The following OSBP variants were observed in gnomAD, a reference collection of about 807,000 sequenced individuals.
OSBP encodes the protein oxysterol binding protein.
Under a neutral mutation model 96.6 loss-of-function variants are expected in OSBP, and 32 were observed. The ratio of observed to expected loss-of-function variants is 0.33; its 90% CI spans 0.25 to 0.45. The LOEUF is 0.45. Ranked by LOEUF, OSBP falls within the 20% of genes least tolerant of loss-of-function variation. OSBP has a pLI of 1.00. For missense variants in OSBP, 653 were observed against 1,029.7 expected (o/e 0.63, Z 5.01); for synonymous variants, 369 against 389.6 (o/e 0.95, Z 0.62).
intron 3 of OSBP, among the ~76,000 whole-genome samples, chr11:59,603,820 C>T (rs193163725): frequency 3.2e-4 from 49 of 152,270 alleles, no homozygotes; most frequent in Non-Finnish European, 4.7e-4. Context: ...CACCCAGCCT[C>T]ATCAGTTTCC....
intron 1 of OSBP, among the ~76,000 whole-genome samples, chr11:59,614,768 C>T (rs1009728605): frequency 6.6e-6 from 1 of 152,168 alleles, no homozygotes; most frequent in Admixed American, 6.5e-5. Context: ...GACGGAATAC[C>T]GAAGCCACCC....
intron 9 of OSBP, among the ~76,000 whole-genome samples, chr11:59,588,832 C>T (rs1210236104): frequency 2.5e-4 from 38 of 151,748 alleles, no homozygotes; most frequent in Admixed American, 2.5e-3. Context: ...ATGGAGAAAC[C>T]CCGTGTCTAC....
chr11:59,585,790 T>G (rs368797380), intron 9 of OSBP, among the ~76,000 whole-genome samples: 31 of 152,310 alleles, frequency 2.0e-4, no homozygotes, highest in South Asian at 8.3e-4. Context: ...GAAAGAAGTA[T>G]ACATGGGAGA....
Position 59,580,233 on chromosome 11 carries a change from C to G in OSBP, c.1819G>C (p.Asp607His), listed in dbSNP as rs546173084. ...GGAACAAATTTAAGATTACACTTGT[C>G]TCCTGTCTTGTGATTCACAATATCA... is the stretch of plus-strand genomic sequence containing the variant. ...EIDIVNHKTG[D>H]KCNLKFVPYS... is the part of the protein sequence containing the mutation. The change falls in exon 11 of 14, where the codon GAC becomes CAC. Residue 607 changes from aspartate to histidine, a missense_variant. This residue lies in a region of OSBP where 169 missense variants were observed against 251.5 expected (regional missense o/e 0.67). Coordinates refer to ENST00000263847, the MANE Select transcript of OSBP (RefSeq NM_002556.3). 1 of 1,613,300 alleles carries G rather than the reference C, an allele frequency of 6.2e-7. No homozygotes were observed. The highest frequency in any genetic ancestry group is 1.3e-5 in the African/African-American group (1 of 75,050).
intron 7 of OSBP, among the ~76,000 whole-genome samples, chr11:59,599,472 A>C (rs1860693885): frequency 6.6e-6 from 1 of 152,098 alleles, no homozygotes; most frequent in South Asian, 2.1e-4. Flanking sequence ...TCTTTAATAA[A>C]TTGAACCTAT....
At chr11:59,599,455 A>G (rs576430300) in intron 7 of OSBP, among the ~76,000 whole-genome samples, 35 of 152,140 alleles carry the variant, frequency 2.3e-4, no homozygotes, top group African/African-American at 7.2e-4. Flanking sequence ...GGCCCCATGA[A>G]TTTGTTTCTT....
chr11:59,592,377 C>T (rs957793791), intron 9 of OSBP, among the ~76,000 whole-genome samples: 1 of 152,120 alleles, frequency 6.6e-6, no homozygotes, highest in Non-Finnish European at 1.5e-5. Flanking sequence ...CTAGTTTGCA[C>T]TATGTTTGCT....
In OSBP at chr11:59,578,218, C is replaced by T; in HGVS notation, c.1991G>A (p.Gly664Asp). 1.2e-6 allele frequency: 2 copies of T among 1,614,134 alleles called. No individual in the cohort carries two copies. ...KVQPVIGENGGDARQRGHEAE... is the reference protein window; with the variant it reads ...KVQPVIGENGDDARQRGHEAE... ...TTCATGGCCTCTCTGTCGAGCATCA[C>T]CCCCATTTTCCCCAATGACTGGCTG... Residue 664 changes from glycine (G) to aspartate (D), a missense_variant, in exon 12 of 14, where the codon GGT becomes GAT. By Grantham distance (94) the Gly-to-Asp change is moderately conservative. Transcript: ENST00000263847.
At chr11:59,611,579 G>T (rs1428956720) in intron 1 of OSBP, among the ~76,000 whole-genome samples, 1 of 152,176 alleles carries the variant, frequency 6.6e-6, no homozygotes, top group Non-Finnish European at 1.5e-5. Context: ...TGGTTCAAAT[G>T]ATATGAAATA....
At chr11:59,580,833 TTCTA>T (rs1860412256) in intron 10 of OSBP, among the ~76,000 whole-genome samples, 1 of 152,166 alleles carries the variant, frequency 6.6e-6, no homozygotes, top group African/African-American at 2.4e-5. Flanking sequence ...TTCCCTTCCT[TTCTA>T]TCTTCTAAAT....
Position 59,593,694 on chromosome 11 carries a change from G to C in OSBP, c.1588C>G (p.His530Asp), listed in dbSNP as rs765590019. 1.2e-6 allele frequency: 2 copies of C among 1,614,102 alleles called. No homozygotes were observed. The highest frequency in any genetic ancestry group is 1.7e-6 in the Non-Finnish European group (2 of 1,179,970). Residue 530 changes from histidine (H) to aspartate (D), a missense_variant, in exon 9 of 14, where the codon CAT becomes GAT. His to Asp is a moderately conservative substitution (Grantham distance 81). Transcript: ENST00000263847. ...VSHHPPAAAHHAESKNGWTLR... is the reference protein window; with the variant it reads ...VSHHPPAAAHDAESKNGWTLR... ...GTCCAGCCATTTTTGGACTCAGCAT[G>C]GTGCGCAGCAGCAGGGGGATGATGA...
At chr11:59,599,412 A>T (rs1860693264) in intron 7 of OSBP, among the ~76,000 whole-genome samples, 1 of 151,850 alleles carries the variant, frequency 6.6e-6, no homozygotes, top group Non-Finnish European at 1.5e-5. Context: ...ATATATTTTG[A>T]ATTTTTTTTT....
intron 9 of OSBP, among the ~76,000 whole-genome samples, chr11:59,590,904 T>C (rs1860570559): frequency 6.6e-6 from 1 of 152,238 alleles, no homozygotes; most frequent in Non-Finnish European, 1.5e-5. Flanking sequence ...TTTAGATTTC[T>C]ATATTCAGCT....
At chr11:59,597,535 C>T (rs764704638) in intron 7 of OSBP, among the ~76,000 whole-genome samples, 3 of 144,356 alleles carry the variant, frequency 2.1e-5, no homozygotes, top group Non-Finnish European at 4.7e-5. Flanking sequence ...CTTTTCTTAT[C>T]TGAAGGTCAA....
chr11:59,577,464 T>C (rs944349003), intron 12 of OSBP, among the ~76,000 whole-genome samples: 1 of 150,186 alleles, frequency 6.7e-6, no homozygotes, highest in Non-Finnish European at 1.5e-5. Context: ...CTCAGGGATC[T>C]TTCTTTTCTG....
In OSBP at chr11:59,575,501, C is replaced by A. The variant is rs1376799772; in HGVS notation, c.*1076G>T. The A allele has an allele frequency of 6.6e-6, 1 of 152,348 alleles. No individual in the cohort carries two copies. The highest frequency in any genetic ancestry group is 1.5e-5 in the Non-Finnish European group (1 of 68,018). The allele number at this position is 152,348 out of a possible 1,614,324, so 9.4% of individuals were successfully genotyped here. A position where few individuals can be genotyped will look rare whatever the true frequency, so the allele number is the denominator to read the frequency against. On this transcript the variant is annotated 3_prime_UTR_variant, in exon 14 of 14. Coordinates refer to ENST00000263847, the MANE Select transcript of OSBP (RefSeq NM_002556.3). ...ATTCTTAATGGGAAGGAAATCAAAC[C>A]AAAAAATTAGATTTTTCTCTACATA...
intron 7 of OSBP, among the ~76,000 whole-genome samples, chr11:59,597,760 T>C (rs1273391250): frequency 6.6e-6 from 1 of 152,202 alleles, no homozygotes; most frequent in Non-Finnish European, 1.5e-5. Flanking sequence ...GGCTGGAATG[T>C]AGTGGCACCA....
rs767512280 is a variant in OSBP, at chr11:59,594,148, G to T, written c.1419C>A (p.Leu473=). ...ACACGGTGAAAGCTGCAACATAACAGAGCTGTTCTAGAGAATTCTCACATT... is the reference window on the plus strand; with the variant it reads ...ACACGGTGAAAGCTGCAACATAACATAGCTGTTCTAGAGAATTCTCACATT... The part of the protein sequence containing the change: ...AAKCENSLEQ[L]CYVAAFTVSS... Residue 473 remains leucine, a synonymous_variant, in exon 8 of 14, where the codon CTC becomes CTA. Coordinates refer to ENST00000263847, the MANE Select transcript of OSBP (RefSeq NM_002556.3). 1.3e-5 allele frequency: 21 copies of T among 1,614,122 alleles called. No individual in the cohort carries two copies. Among genetic ancestry groups the T allele is most frequent in the Non-Finnish European group, 1.8e-5 (21 of 1,180,012 alleles).
intron 7 of OSBP, among the ~76,000 whole-genome samples, chr11:59,598,410 C>T (rs1860683077): frequency 6.6e-6 from 1 of 152,146 alleles, no homozygotes; most frequent in Admixed American, 6.5e-5. Context: ...GCCACTCGCC[C>T]ATCCCCACCA....
Sources: gnomAD v4.1 joint callset for allele counts (sites outside exome capture counted in the v4.1 genomes callset) on GRCh38, gnomAD v4.1.1 for gene constraint, gnomAD v4.1.1 regional missense constraint, MANE v1.5 for transcripts, NCBI Gene and HGNC (gene_info 2026-07-23, HGNC 2026-07-21) for gene names.